Variants in SH2D1A observed in about 807,000 individuals in gnomAD.
SH2D1A encodes SH2 domain containing 1A.
A neutral mutation model predicts 10.1 loss-of-function variants in SH2D1A; 6 were observed. That is an observed-to-expected ratio of 0.60 (90% CI 0.33 to 1.18). The LOEUF is 1.18. SH2D1A is among the 50% of genes most tolerant of loss of function. The pLI is 0.04. For synonymous variants in SH2D1A, 42 were observed against 36.9 expected, an observed-to-expected ratio of 1.14 and a Z score of -0.51; for missense variants, 51 against 97.6, an observed-to-expected ratio of 0.52 and a Z score of 2.01.
chrX:124,350,360 A>AATATTATATAATATATAATATATAAATAT (rs2060007769), intron 1 of SH2D1A, among the ~76,000 whole-genome samples: 2 of 21,774 alleles, frequency 9.2e-5, no homozygotes, highest in Non-Finnish European at 1.3e-4. Context: ...TATTATATAT[A>AATATTATATAATATATAATATATAAATAT]ATATTATATA....
At chrX:124,349,160 G>A (rs993793283) in intron 1 of SH2D1A, among the ~76,000 whole-genome samples, 14 of 111,973 alleles carry the variant, frequency 1.3e-4, no homozygotes, top group Admixed American at 3.8e-4. Context: ...GTGAAGTAGC[G>A]GAAAATACTA....
At chrX:124,369,972 C>T (rs769804445) in intron 2 of SH2D1A, among the ~76,000 whole-genome samples, 123 of 111,470 alleles carry the variant, frequency 1.1e-3, no homozygotes, top group African/African-American at 3.7e-3. Context: ...ACTGAAATGA[C>T]AGCTCATTAG....
At chrX:124,360,873 C>T (rs1256545556) in intron 1 of SH2D1A, among the ~76,000 whole-genome samples, 1 of 111,039 alleles carries the variant, frequency 9.0e-6, no homozygotes, top group Admixed American at 9.6e-5. Context: ...ATATCCAGTA[C>T]AGTGTGGGGA....
chrX:124,360,769 C>A (rs2060038600), intron 1 of SH2D1A, among the ~76,000 whole-genome samples: 1 of 110,458 alleles, frequency 9.1e-6, no homozygotes, highest in African/African-American at 3.3e-5. Flanking sequence ...TGAAACAATT[C>A]ATTATAAAGT....
At position 124,372,510 on chromosome X, in the gene SH2D1A, TA is replaced by T. The variant is rs1355914140; in HGVS notation, c.*1123del. The stretch of plus-strand genomic sequence containing the variant: ...AAAAGACAGTGAAAGAAAATAACGA[TA>T]AAAGACAGTGAAAGAAAATAACAAT... On this transcript the variant is annotated 3_prime_UTR_variant, in exon 4 of 4. Coordinates refer to ENST00000371139, the MANE Select transcript of SH2D1A (RefSeq NM_002351.5). The T allele has an allele frequency of 5.9e-6, 1 of 170,490 alleles. No homozygotes were observed. Among genetic ancestry groups the T allele is most frequent in the Non-Finnish European group, 1.1e-5 (1 of 89,284 alleles). 14.1% of individuals were successfully genotyped at this position (170,490 alleles called of 1,213,427 possible). A position where few individuals can be genotyped will look rare whatever the true frequency, so the allele number is the denominator to read the frequency against.
chrX:124,360,465 A>G (rs2060037474), intron 1 of SH2D1A, among the ~76,000 whole-genome samples: 1 of 102,755 alleles, frequency 9.7e-6, no homozygotes, highest in South Asian at 4.6e-4. Context: ...AAAAAAAAAA[A>G]AAAAAAATTA....
Position 124,353,645 on chromosome X carries a change from G to A in SH2D1A, c.137+6866G>A, listed in dbSNP as rs777315703. On this transcript the variant is annotated intron_variant, in intron 1 of 3. Transcript: ENST00000371139. Reference sequence around the variant, plus strand: ...AGTGGGATTGATGGTGATAAGACGAGAACTAATTTAAAATATTTAAAATAA... The same window carrying A: ...AGTGGGATTGATGGTGATAAGACGAAAACTAATTTAAAATATTTAAAATAA... Among the ~76,000 whole-genome samples, 25 of 111,202 alleles carry A rather than the reference G, an allele frequency of 2.2e-4. No individual in the cohort carries two copies. The South Asian group carries it at 9.5e-3, about 42-fold the overall frequency.
chrX:124,362,649 T>A (rs1486511979), intron 1 of SH2D1A, among the ~76,000 whole-genome samples: 1 of 111,569 alleles, frequency 9.0e-6, no homozygotes, highest in African/African-American at 3.3e-5. Context: ...ACTTTAGATT[T>A]TAAGTTGATG....
chrX:124,364,659 C>T (rs1023520627), intron 1 of SH2D1A, among the ~76,000 whole-genome samples: 4 of 110,994 alleles, frequency 3.6e-5, no homozygotes, highest in South Asian at 7.7e-4. Flanking sequence ...ACTACAGGTG[C>T]GTGCCACCAT....
intron 1 of SH2D1A, among the ~76,000 whole-genome samples, chrX:124,354,206 G>A (rs1021321756): frequency 5.4e-5 from 6 of 111,532 alleles, no homozygotes; most frequent in African/African-American, 9.8e-5. Flanking sequence ...GATAATTCAC[G>A]GCAAATAAGC....
intron 1 of SH2D1A, among the ~76,000 whole-genome samples, chrX:124,364,129 A>G (rs957646104): frequency 9.1e-6 from 1 of 110,149 alleles, no homozygotes; most frequent in Non-Finnish European, 1.9e-5. Context: ...TCCAGAAGGC[A>G]TTCTGGAATA....
chrX:124,367,059 T>C (rs1420536664), intron 2 of SH2D1A, among the ~76,000 whole-genome samples: 1 of 111,349 alleles, frequency 9.0e-6, no homozygotes, highest in Non-Finnish European at 1.9e-5. Flanking sequence ...TCCTGCATTT[T>C]GAGTATAACA....
chrX:124,359,854 G>A (rs2060035825), intron 1 of SH2D1A, among the ~76,000 whole-genome samples: 1 of 111,555 alleles, frequency 9.0e-6, no homozygotes, highest in Non-Finnish European at 1.9e-5. Context: ...GTGTGTTTCA[G>A]ATTTGTTTTG....
intron 2 of SH2D1A, among the ~76,000 whole-genome samples, chrX:124,368,066 A>C (rs2147532834): frequency 9.0e-6 from 1 of 111,718 alleles, no homozygotes; most frequent in African/African-American, 3.3e-5. Flanking sequence ...TAGCTTCCAT[A>C]CTTCCAGTGC....
intron 1 of SH2D1A, among the ~76,000 whole-genome samples, chrX:124,358,679 G>T (rs1446771205): frequency 8.9e-6 from 1 of 112,268 alleles, no homozygotes; most frequent in African/African-American, 3.2e-5. Context: ...GCACAGAACT[G>T]CCCTGGGCAG....
chrX:124,354,782 G>A (rs1176819415), intron 1 of SH2D1A, among the ~76,000 whole-genome samples: 2 of 112,395 alleles, frequency 1.8e-5, no homozygotes, highest in African/African-American at 6.5e-5. Flanking sequence ...AACATCATAA[G>A]TATACGTAAA....
rs776571628 is a variant in SH2D1A, at chrX:124,371,534, G to A, written c.*143G>A. On this transcript the variant is annotated 3_prime_UTR_variant, in exon 4 of 4. Transcript: ENST00000371139. ...CTGTAATGGAAGCATCTAGCATGTC[G>A]TCAAAGCTGAAATGGACTTTTGTAC... 1.1e-5 allele frequency: 4 copies of A among 369,424 alleles called. No homozygotes were observed. The highest frequency in any genetic ancestry group is 4.2e-5 in the East Asian group (1 of 23,770). The allele number at this position is 369,424 out of a possible 1,213,427, so 30.4% of individuals were successfully genotyped here.
chrX:124,370,100 T>A, intron 2 of SH2D1A, 76 bp from the exon 3 acceptor site: 2 of 716,391 alleles, frequency 2.8e-6, no homozygotes, highest in Non-Finnish European at 4.5e-6. Flanking sequence ...TCTCTTAGCA[T>A]CCCTAGCACA....
chrX:124,354,686 A>G (rs1343275323), intron 1 of SH2D1A, among the ~76,000 whole-genome samples: 2 of 112,222 alleles, frequency 1.8e-5, no homozygotes, highest in African/African-American at 6.5e-5. Context: ...TGATTATGAC[A>G]TGAGTTAATA....
Sources: allele counts gnomAD v4.1 joint callset (sites outside exome capture counted in the v4.1 genomes callset), GRCh38; gene constraint gnomAD v4.1.1; transcripts MANE v1.5; gene names NCBI Gene and HGNC (gene_info 2026-07-23, HGNC 2026-07-21).